The following UGT1A4 variants were observed in gnomAD, a reference collection of about 807,000 sequenced individuals.
UGT1A4 encodes UDP glucuronosyltransferase family 1 member A4.
A neutral mutation model predicts 41.1 loss-of-function variants in UGT1A4; 32 were observed. The observed-to-expected ratio is 0.78, with a 90% confidence interval of 0.59 to 1.05. The LOEUF is 1.05. Ranked by LOEUF, UGT1A4 falls within the 50% of genes least tolerant of loss-of-function variation. UGT1A4 has a pLI of 0.00. For synonymous variants in UGT1A4, 283 were observed against 265.1 expected, an observed-to-expected ratio of 1.07 and a Z score of -0.66; for missense variants, 748 against 677.4, an observed-to-expected ratio of 1.10 and a Z score of -1.16.
rs140613392 is a variant in UGT1A4 at position 233,768,343 on chromosome 2, G to A, written c.1211G>A (p.Arg404His). 68 of 1,614,170 alleles carry A rather than the reference G, an allele frequency of 4.2e-5. No homozygotes were observed. The highest frequency in any genetic ancestry group is 3.7e-4 in the African/African-American group (28 of 75,042). ...GGTGATCAGATGGACAATGCAAAGC[G>A]CATGGAGACTAAGGGAGCTGGAGTG... ...LFGDQMDNAK[R>H]METKGAGVTL... Residue 404 changes from arginine (R) to histidine (H), a missense_variant, in exon 4 of 5, where the codon CGC (arginine) becomes CAC (histidine). By Grantham distance (29) the Arg-to-His change is conservative. Coordinates refer to ENST00000373409, the MANE Select transcript of UGT1A4 (RefSeq NM_007120.3).
chr2:233,726,069 G>A (rs1424606442), intron 1 of UGT1A4, among the ~76,000 whole-genome samples: 2 of 152,174 alleles, frequency 1.3e-5, no homozygotes, highest in African/African-American at 4.8e-5. Context: ...AGGAGGCTGA[G>A]GCAGGAGGAT....
chr2:233,729,495 C>T, intron 1 of UGT1A4: 1 of 1,614,190 alleles, frequency 6.2e-7, no homozygotes, highest in Non-Finnish European at 8.5e-7. Flanking sequence ...TGTCTTTGGT[C>T]TATCATAGGT....
intron 1 of UGT1A4, chr2:233,743,927 C>A (rs773932018): frequency 1.2e-5 from 17 of 1,360,072 alleles, no homozygotes; most frequent in Non-Finnish European, 1.6e-5. Context: ...GCTGGATGGC[C>A]AGAACGGCCC....
chr2:233,738,914 G>A (rs1053484676), intron 1 of UGT1A4: 2 of 152,216 alleles, frequency 1.3e-5, no homozygotes, highest in Non-Finnish European at 2.9e-5. Flanking sequence ...CCCATCACAG[G>A]CCTGGAGGCC....
chr2:233,746,992 G>A (rs1559391678), intron 1 of UGT1A4, among the ~76,000 whole-genome samples: 2 of 151,858 alleles, frequency 1.3e-5, no homozygotes, highest in Non-Finnish European at 2.9e-5. Context: ...AGGGTCAGAT[G>A]AGTTTTTCAA....
rs200903749 is a variant in UGT1A4, at chr2:233,767,133, A to G, written c.967A>G (p.Ile323Val). ...SEIPEKKAMAIADALGKIPQT... is the reference protein window; with the variant it reads ...SEIPEKKAMAVADALGKIPQT... ...AATTCCAGAGAAGAAAGCTATGGCA[A>G]TTGCTGATGCTTTGGGCAAAATCCC... The change falls in exon 2 of 5, where the codon ATT (isoleucine) becomes GTT (valine). Residue 323 changes from isoleucine (I) to valine (V), a missense_variant. Physicochemically the swap from Ile to Val is conservative, Grantham distance 29 (BLOSUM62 3). Coordinates refer to ENST00000373409, the MANE Select transcript of UGT1A4 (RefSeq NM_007120.3). 1,419 of 1,614,112 alleles carry G rather than the reference A, an allele frequency of 8.8e-4. 26 individuals are homozygous for G. In the South Asian group the frequency reaches 0.015, roughly 17 times the overall value.
rs531565456 is a variant in UGT1A4 at position 233,748,436 on chromosome 2, T to C, written c.868-18598T>C. On this transcript the variant is annotated intron_variant, in intron 1 of 4. Coordinates refer to ENST00000373409, the MANE Select transcript of UGT1A4 (RefSeq NM_007120.3). ...AGACTTGACCCATCTGGATTTTTTG[T>C]TTGCACAATTTTCAGGGGAAAGATG... Among the ~76,000 whole-genome samples the C allele has an allele frequency of 2.0e-5, 3 of 151,942 alleles. No individual in the cohort carries two copies. In the East Asian group the frequency reaches 5.8e-4, roughly 29 times the overall value.
chr2:233,766,327 G>A (rs373926451), intron 1 of UGT1A4, among the ~76,000 whole-genome samples: 29 of 152,248 alleles, frequency 1.9e-4, no homozygotes, highest in East Asian at 9.7e-4. Context: ...CAAACTCCGC[G>A]TTGTTCTGCT....
intron 1 of UGT1A4, among the ~76,000 whole-genome samples, chr2:233,731,952 T>C (rs2078222480): frequency 6.6e-6 from 1 of 152,218 alleles, no homozygotes; most frequent in African/African-American, 2.4e-5. Context: ...ATCTGTTGTT[T>C]CCTGACTTTT....
intron 1 of UGT1A4, among the ~76,000 whole-genome samples, chr2:233,724,338 T>C (rs2077227587): frequency 6.9e-6 from 1 of 145,520 alleles, no homozygotes; most frequent in African/African-American, 2.6e-5. Context: ...GGCGGGGGGC[T>C]GACCCCCCCC....
At chr2:233,736,043 T>C (rs984870391) in intron 1 of UGT1A4, among the ~76,000 whole-genome samples, 7 of 152,202 alleles carry the variant, frequency 4.6e-5, no homozygotes, top group South Asian at 2.1e-4. Context: ...TTTCCTGAAT[T>C]TGAATGTTGG....
chr2:233,743,306 T>C (rs1214734501), intron 1 of UGT1A4: 2 of 592,290 alleles, frequency 3.4e-6, no homozygotes, highest in Non-Finnish European at 5.6e-6. Flanking sequence ...ATTCTCTTGG[T>C]GGTGATTTTT....
intron 1 of UGT1A4, among the ~76,000 whole-genome samples, chr2:233,757,216 G>A (rs1430883014): frequency 6.9e-6 from 1 of 145,650 alleles, no homozygotes; most frequent in Non-Finnish European, 1.5e-5. Context: ...GGAAGCTGCT[G>A]ACCAAGGTTC....
intron 1 of UGT1A4, among the ~76,000 whole-genome samples, chr2:233,741,186 G>A (rs901469782): frequency 6.6e-6 from 1 of 151,878 alleles, no homozygotes; most frequent in African/African-American, 2.4e-5. Flanking sequence ...ACTTGTGTTT[G>A]CTTTCAACTG....
chr2:233,736,427 G>A (rs986034532), intron 1 of UGT1A4, among the ~76,000 whole-genome samples: 6 of 152,022 alleles, frequency 3.9e-5, no homozygotes, highest in Admixed American at 3.3e-4. Flanking sequence ...TTTTTTCAAG[G>A]TTCAACCTTC....
At chr2:233,766,273 TGGCCCGGGCTC>T (rs1203864514) in intron 1 of UGT1A4, among the ~76,000 whole-genome samples, 29 of 151,808 alleles carry the variant, frequency 1.9e-4, no homozygotes, top group Admixed American at 3.9e-4. Context: ...CCGGGCTCGG[TGGCCCGGGCTC>T]GGTGGCCTGG....
intron 1 of UGT1A4, chr2:233,729,470 C>T (rs746048603): frequency 1.9e-6 from 3 of 1,614,122 alleles, no homozygotes; most frequent in Admixed American, 1.7e-5. Flanking sequence ...AGAAGTATGG[C>T]AATGTTGAAC....
chr2:233,757,027 T>C (rs1022147846), intron 1 of UGT1A4, among the ~76,000 whole-genome samples: 2 of 151,348 alleles, frequency 1.3e-5, no homozygotes, highest in African/African-American at 4.9e-5. Context: ...ACAAAGCAAT[T>C]TGAGAACATC....
chr2:233,753,153 C>A (rs1198607979), intron 1 of UGT1A4: 1 of 152,212 alleles, frequency 6.6e-6, no homozygotes, highest in Non-Finnish European at 1.5e-5. Context: ...CATGTAAGTT[C>A]CCTTATCCGG....
Sources: allele counts gnomAD v4.1 joint callset (sites outside exome capture counted in the v4.1 genomes callset), GRCh38; gene constraint gnomAD v4.1.1; transcripts MANE v1.5; gene names NCBI Gene and HGNC (gene_info 2026-07-23, HGNC 2026-07-21).